VEPH1: variants seen among roughly 807,000 people sequenced by gnomAD.
VEPH1 encodes the protein ventricular zone expressed PH domain containing 1.
In VEPH1, 80 loss-of-function variants were observed where a neutral mutation model predicts 85.2. That is an observed-to-expected ratio of 0.94 (90% CI 0.78 to 1.13). The LOEUF is 1.13. Ranked by LOEUF, VEPH1 falls within the 50% of genes most tolerant of loss-of-function variation. VEPH1 has a pLI of 0.00. For missense variants in VEPH1, 955 were observed against 980.5 expected (o/e 0.97, Z 0.35); for synonymous variants, 297 against 348.0 (o/e 0.85, Z 1.63).
intron 6 of VEPH1, among the ~76,000 whole-genome samples, chr3:157,386,184 C>T (rs755919074): frequency 7.6e-6 from 1 of 132,384 alleles, no homozygotes; most frequent in African/African-American, 2.9e-5. Flanking sequence ...TAATGTCTAC[C>T]AAACAGCCCC....
At chr3:157,275,072 G>A (rs749620333) in intron 12 of VEPH1, among the ~76,000 whole-genome samples, 1 of 152,102 alleles carries the variant, frequency 6.6e-6, no homozygotes, top group Non-Finnish European at 1.5e-5. Context: ...TGTTCACATG[G>A]CACACTGACT....
At chr3:157,288,076 C>A (rs1717008904) in intron 11 of VEPH1, among the ~76,000 whole-genome samples, 1 of 152,144 alleles carries the variant, frequency 6.6e-6, no homozygotes, top group South Asian at 2.1e-4. Flanking sequence ...TTAGCCTAAC[C>A]AAATTAAATA....
intron 7 of VEPH1, among the ~76,000 whole-genome samples, chr3:157,365,923 C>A: frequency 6.6e-6 from 1 of 152,104 alleles, no homozygotes; most frequent in East Asian, 1.9e-4. Context: ...TTACCATTGG[C>A]GGTTAACTCG....
At chr3:157,334,221 G>A (rs1475512771) in intron 9 of VEPH1, among the ~76,000 whole-genome samples, 1 of 152,074 alleles carries the variant, frequency 6.6e-6, no homozygotes, top group Non-Finnish European at 1.5e-5. Flanking sequence ...AAAGTTAGGG[G>A]GCATTTTATT....
chr3:157,318,650 A>C (rs200063457), intron 9 of VEPH1, among the ~76,000 whole-genome samples: 1 of 94,244 alleles, frequency 1.1e-5, no homozygotes, highest in African/African-American at 3.0e-5. Flanking sequence ...GAAAGAAAGA[A>C]AGAATGAAAG....
At chr3:157,389,603 A>G (rs531313329) in intron 6 of VEPH1, among the ~76,000 whole-genome samples, 1 of 151,986 alleles carries the variant, frequency 6.6e-6, no homozygotes, top group Non-Finnish European at 1.5e-5. Context: ...GGATGGATGG[A>G]TAGGTAAATA....
chr3:157,454,294 T>C (rs1195937080), intron 4 of VEPH1, among the ~76,000 whole-genome samples: 2 of 152,184 alleles, frequency 1.3e-5, no homozygotes, highest in Non-Finnish European at 2.9e-5. Context: ...AAATACTGAC[T>C]AGTATTATTA....
chr3:157,462,335 T>G (rs1351613484), intron 3 of VEPH1, among the ~76,000 whole-genome samples: 1 of 152,096 alleles, frequency 6.6e-6, no homozygotes, highest in East Asian at 1.9e-4. Context: ...AATTACAGAT[T>G]TTAGCTATTC....
At chr3:157,290,076 ACAC>A (rs1717303157) in intron 11 of VEPH1, among the ~76,000 whole-genome samples, 5 of 126,590 alleles carry the variant, frequency 3.9e-5, no homozygotes, top group African/African-American at 9.2e-5. Flanking sequence ...ACACACACAC[ACAC>A]AACCTGTCTT....
chr3:157,272,459 T>C (rs1209094248), intron 12 of VEPH1, among the ~76,000 whole-genome samples: 1 of 143,968 alleles, frequency 6.9e-6, no homozygotes, highest in Non-Finnish European at 1.5e-5. Context: ...CTCTCTTTCT[T>C]CTCCCTTTCT....
At chr3:157,484,163 T>A (rs1163748207) in intron 2 of VEPH1, among the ~76,000 whole-genome samples, 1 of 152,198 alleles carries the variant, frequency 6.6e-6, no homozygotes, top group Non-Finnish European at 1.5e-5. Flanking sequence ...TAGAAACTAC[T>A]GAGAAATGAA....
chr3:157,437,529 C>A, intron 4 of VEPH1: 1 of 1,605,782 alleles, frequency 6.2e-7, no homozygotes, highest in Non-Finnish European at 8.5e-7. Context: ...CGTGCGCCTG[C>A]GGTCAGGAGC....
chr3:157,365,911 G>C (rs1245353785), intron 7 of VEPH1, among the ~76,000 whole-genome samples: 1 of 152,152 alleles, frequency 6.6e-6, no homozygotes, highest in African/African-American at 2.4e-5. Context: ...TTGATTAAAT[G>C]ATTACCATTG....
At chr3:157,437,509 C>G in intron 4 of VEPH1, 7 of 1,602,462 alleles carry the variant, frequency 4.4e-6, no homozygotes, top group Non-Finnish European at 8.5e-7. Context: ...ATCCCGTACT[C>G]TAGCCACGCC....
chr3:157,378,228 T>C (rs1265602578), intron 7 of VEPH1, among the ~76,000 whole-genome samples: 1 of 150,920 alleles, frequency 6.6e-6, no homozygotes, highest in African/African-American at 2.4e-5. Flanking sequence ...ATGCTGGCCT[T>C]GACTCTCCTG....
chr3:157,423,915 T>A (rs759347888), intron 5 of VEPH1, among the ~76,000 whole-genome samples: 1 of 152,168 alleles, frequency 6.6e-6, no homozygotes, highest in Non-Finnish European at 1.5e-5. Flanking sequence ...AAGCATTGAT[T>A]TTTTTTTCAA....
At chr3:157,450,048 C>CTTTTTTTTTTTTTTTTTT (rs761761440) in intron 4 of VEPH1, among the ~76,000 whole-genome samples, 4 of 77,324 alleles carry the variant, frequency 5.2e-5, no homozygotes, top group African/African-American at 1.4e-4. Flanking sequence ...AGAATATTTA[C>CTTTTTTTTTTTTTTTTTT]TTTTTTTTTT....
chr3:157,478,466 T>C (rs1023093961), intron 2 of VEPH1, among the ~76,000 whole-genome samples: 1 of 152,110 alleles, frequency 6.6e-6, no homozygotes, highest in African/African-American at 2.4e-5. Context: ...GTCCAAATAA[T>C]AGTTTATTAA....
chr3:157,412,822 G>A (rs1344215926), intron 6 of VEPH1, among the ~76,000 whole-genome samples: 1 of 152,130 alleles, frequency 6.6e-6, no homozygotes, highest in Non-Finnish European at 1.5e-5. Flanking sequence ...GAGGAAGCCA[G>A]GCAGGACTCA....
Sources: gnomAD v4.1 joint callset for allele counts (sites outside exome capture counted in the v4.1 genomes callset) on GRCh38, gnomAD v4.1.1 for gene constraint, MANE v1.5 for transcripts, NCBI Gene and HGNC (gene_info 2026-07-23, HGNC 2026-07-21) for gene names.